Variants in CCDC146 observed in about 807,000 individuals in gnomAD.
The protein encoded by CCDC146 is coiled-coil domain-containing protein 146.
A neutral mutation model predicts 119.3 loss-of-function variants in CCDC146; 92 were observed. That is an observed-to-expected ratio of 0.77 (90% CI 0.65 to 0.92). CCDC146 has a LOEUF of 0.92. CCDC146 is among the 40% of genes least tolerant of loss of function. CCDC146 has a pLI of 0.00. For synonymous variants in CCDC146, 372 were observed against 371.8 expected (o/e 1.00, Z -0.01); for missense variants, 1,000 against 1,103.0 (o/e 0.91, Z 1.32).
At chr7:77,181,033 T>C (rs182987979) in intron 2 of CCDC146, among the ~76,000 whole-genome samples, 2 of 152,356 alleles carry the variant, frequency 1.3e-5, no homozygotes, top group African/African-American at 4.8e-5. Context: ...ATTTGAGATA[T>C]AGGAAGATAC....
At chr7:77,152,090 C>T (rs1791116177) in intron 1 of CCDC146, among the ~76,000 whole-genome samples, 3 of 152,110 alleles carry the variant, frequency 2.0e-5, no homozygotes, top group Admixed American at 2.0e-4. Flanking sequence ...CACATTACCC[C>T]CTTGATATTC....
chr7:77,233,045 C>G (rs10276615), intron 2 of CCDC146, among the ~76,000 whole-genome samples: 4,178 of 151,530 alleles, frequency 0.028, 187 homozygotes, highest in African/African-American at 0.095. Flanking sequence ...ATGGTTGTCT[C>G]AGATTATTTT....
intron 1 of CCDC146, among the ~76,000 whole-genome samples, chr7:77,123,074 T>C (rs1427783594): frequency 6.9e-6 from 1 of 145,588 alleles, no homozygotes; most frequent in Non-Finnish European, 1.5e-5. Flanking sequence ...AGAAAATGGA[T>C]GGGACCGTGG....
At chr7:77,271,517 T>G (rs11972253) in intron 9 of CCDC146, among the ~76,000 whole-genome samples, 105 of 502 alleles carry the variant, frequency 0.21, 1 homozygote, top group African/African-American at 0.28. Flanking sequence ...ATAGGAGATA[T>G]ATATATATAT....
chr7:77,259,591 A>G (rs1300808778), intron 7 of CCDC146, among the ~76,000 whole-genome samples: 3 of 152,240 alleles, frequency 2.0e-5, no homozygotes, highest in Admixed American at 6.5e-5. Flanking sequence ...GAAAAATAAT[A>G]TAATTACTCT....
intron 2 of CCDC146, among the ~76,000 whole-genome samples, chr7:77,221,418 C>A (rs894753162): frequency 2.0e-5 from 3 of 152,222 alleles, no homozygotes; most frequent in African/African-American, 4.8e-5. Flanking sequence ...AATTTATGTT[C>A]TTTTTCCTTC....
intron 2 of CCDC146, among the ~76,000 whole-genome samples, chr7:77,220,932 C>T (rs942569702): frequency 2.0e-5 from 3 of 152,120 alleles, no homozygotes; most frequent in Admixed American, 6.5e-5. Flanking sequence ...TTAATTGGCT[C>T]ATGGTTCCAC....
chr7:77,294,759 C>A lies in CCDC146; in HGVS notation c.2761C>A (p.Leu921Ile). 6.2e-7 allele frequency: 1 copy of A among 1,614,194 alleles called. No homozygotes were observed. The highest frequency in any genetic ancestry group is 8.5e-7 in the Non-Finnish European group (1 of 1,180,034). ...NAYIPEADAT[L>I]PLPKPYGALA... ...CTACATCCCAGAAGCAGATGCCACT[C>A]TTCCTTTGCCAAAACCTTATGGTGC... Residue 921 changes from leucine to isoleucine, a missense_variant, in exon 19 of 19, where the codon CTT (leucine) becomes ATT (isoleucine). Leu to Ile is a conservative substitution (Grantham distance 5). Transcript: ENST00000285871.
In CCDC146 at chr7:77,256,490, G is replaced by C; in HGVS notation, c.665G>C (p.Gly222Ala). The stretch of plus-strand genomic sequence containing the variant: ...CAGAAGGAACTAGAAGAATTGTTGG[G>C]ACATCAGGTCGTCCTAAAGGTGTGC... ...KEQKELEELLGHQVVLKDEVA... is the reference protein window; with the variant it reads ...KEQKELEELLAHQVVLKDEVA... Residue 222 changes from glycine (G) to alanine (A), a missense_variant, in exon 6 of 19, where the codon GGA becomes GCA. Transcript: ENST00000285871. 1 of 1,606,106 alleles carries C rather than the reference G, an allele frequency of 6.2e-7. No homozygotes were observed. The highest frequency in any genetic ancestry group is 8.5e-7 in the Non-Finnish European group (1 of 1,177,982).
intron 2 of CCDC146, among the ~76,000 whole-genome samples, chr7:77,169,948 C>A (rs548712743): frequency 6.6e-6 from 1 of 152,260 alleles, no homozygotes; most frequent in South Asian, 2.1e-4. Flanking sequence ...GAAACAGATT[C>A]ATGAATATTT....
At chr7:77,286,557 C>T (rs1261238327) in intron 15 of CCDC146, among the ~76,000 whole-genome samples, 7 of 152,152 alleles carry the variant, frequency 4.6e-5, no homozygotes, top group African/African-American at 7.2e-5. Context: ...TTTTCTATGA[C>T]CCAGAAGGCA....
At chr7:77,291,095 C>T (rs999415675) in intron 17 of CCDC146, among the ~76,000 whole-genome samples, 69 of 152,300 alleles carry the variant, frequency 4.5e-4, no homozygotes, top group African/African-American at 1.6e-3. Flanking sequence ...AACAAAAAGT[C>T]CTTGTCCTCA....
At chr7:77,161,195 T>C (rs971414657) in intron 1 of CCDC146, among the ~76,000 whole-genome samples, 10 of 152,172 alleles carry the variant, frequency 6.6e-5, no homozygotes, top group African/African-American at 2.4e-4. Context: ...GGTGGGACTG[T>C]AAACTAGTTC....
intron 9 of CCDC146, among the ~76,000 whole-genome samples, chr7:77,268,690 G>A (rs573263851): frequency 6.6e-6 from 1 of 152,276 alleles, no homozygotes; most frequent in South Asian, 2.1e-4. Context: ...GTTGGAAATT[G>A]TATGTCAGAA....
chr7:77,130,597 CTTTTTTTT>C (rs34309739), intron 1 of CCDC146, among the ~76,000 whole-genome samples: 1 of 125,758 alleles, frequency 8.0e-6, no homozygotes, highest in South Asian at 2.5e-4. Context: ...TCCTTTCTTT[CTTTTTTTT>C]TTTTTTTTTT....
intron 11 of CCDC146, among the ~76,000 whole-genome samples, chr7:77,276,109 G>A (rs1255140779): frequency 6.6e-6 from 1 of 151,334 alleles, no homozygotes; most frequent in African/African-American, 2.4e-5. Flanking sequence ...GGGAGACTGA[G>A]GCAGGAGAAT....
intron 2 of CCDC146, among the ~76,000 whole-genome samples, chr7:77,186,903 A>G (rs1222255088): frequency 6.6e-6 from 1 of 152,202 alleles, no homozygotes; most frequent in Non-Finnish European, 1.5e-5. Flanking sequence ...TTTGAATGCA[A>G]TTTGAACACT....
At chr7:77,246,341 A>C (rs1792948773) in intron 4 of CCDC146, 1 of 152,244 alleles carries the variant, frequency 6.6e-6, no homozygotes, top group Non-Finnish European at 1.5e-5. Flanking sequence ...GTGGTGAATG[A>C]TGCCTCTCAC....
At chr7:77,128,678 C>A (rs2117387945) in intron 1 of CCDC146, among the ~76,000 whole-genome samples, 1 of 151,934 alleles carries the variant, frequency 6.6e-6, no homozygotes, top group Middle Eastern at 3.4e-3. Context: ...TGCCACAAAG[C>A]CAGCTCCAAA....
Sources: allele counts gnomAD v4.1 joint callset (sites outside exome capture counted in the v4.1 genomes callset), GRCh38; gene constraint gnomAD v4.1.1; transcripts MANE v1.5; gene names NCBI Gene and HGNC (gene_info 2026-07-23, HGNC 2026-07-21).